Variants in MYZAP observed in about 807,000 individuals in gnomAD.
MYZAP encodes the protein myocardial zonula adherens protein, also known as GRINL1A complex locus upstream.
Under a neutral mutation model 69.4 loss-of-function variants are expected in MYZAP, and 66 were observed. The ratio of observed to expected loss-of-function variants is 0.95; its 90% CI spans 0.78 to 1.17. MYZAP has a LOEUF of 1.17. MYZAP is among the 50% of genes most tolerant of loss of function. MYZAP has a pLI of 0.00. For synonymous variants in MYZAP, 256 were observed against 205.9 expected (o/e 1.24, Z -2.09); for missense variants, 611 against 556.2 (o/e 1.10, Z -0.99).
intron 2 of MYZAP, among the ~76,000 whole-genome samples, chr15:57,617,329 C>T (rs532381556): frequency 6.6e-6 from 1 of 152,262 alleles, no homozygotes; most frequent in South Asian, 2.1e-4. Flanking sequence ...CCCTTTCCTG[C>T]TTGTTAAGCC....
intron 6 of MYZAP, among the ~76,000 whole-genome samples, 183 bp downstream of exon 6, chr15:57,630,037 T>C (rs2036409101): frequency 1.3e-5 from 2 of 149,980 alleles, no homozygotes; most frequent in African/African-American, 2.5e-5. Context: ...GGTACAATCA[T>C]GGCTCACTGC....
At chr15:57,649,405 C>T (rs2037614944) in intron 10 of MYZAP, among the ~76,000 whole-genome samples, 1 of 152,218 alleles carries the variant, frequency 6.6e-6, no homozygotes, top group Non-Finnish European at 1.5e-5. Context: ...AATGGCATCT[C>T]ATTGTTTTCA....
At chr15:57,600,159 C>A (rs1280441330) in intron 1 of MYZAP, among the ~76,000 whole-genome samples, 1 of 152,164 alleles carries the variant, frequency 6.6e-6, no homozygotes, top group Non-Finnish European at 1.5e-5. Context: ...TCCCCATGGC[C>A]ATACATTTGG....
At chr15:57,681,041 A>G (rs537071918) in intron 12 of MYZAP, among the ~76,000 whole-genome samples, 4 of 152,260 alleles carry the variant, frequency 2.6e-5, no homozygotes, top group Middle Eastern at 6.8e-3. Flanking sequence ...AAAATAAAAT[A>G]CCCCACTTCT....
intron 11 of MYZAP, among the ~76,000 whole-genome samples, chr15:57,669,199 G>T (rs1252586044): frequency 6.6e-6 from 1 of 152,048 alleles, no homozygotes; most frequent in Non-Finnish European, 1.5e-5. Context: ...CTGTTGAAGA[G>T]ATTTTTTATT....
chr15:57,631,979 G>T (rs1196615359), intron 6 of MYZAP, among the ~76,000 whole-genome samples: 1 of 152,174 alleles, frequency 6.6e-6, no homozygotes, highest in East Asian at 1.9e-4. Flanking sequence ...AGCCAGGCCT[G>T]CTTCAGTACT....
At chr15:57,641,583 G>T (rs987962328) in intron 10 of MYZAP, among the ~76,000 whole-genome samples, 5 of 152,086 alleles carry the variant, frequency 3.3e-5, no homozygotes, top group African/African-American at 1.2e-4. Context: ...TAAAATTTAG[G>T]ATGCCATCAG....
intron 8 of MYZAP, among the ~76,000 whole-genome samples, chr15:57,635,865 G>A (rs1440259130): frequency 6.6e-6 from 1 of 152,176 alleles, no homozygotes; most frequent in African/African-American, 2.4e-5. Context: ...TTAGTTTACT[G>A]TTTCTCTTGC....
rs1409789929 is a variant in MYZAP, at chr15:57,684,655, A to C, written c.*157A>C. 2 of 605,250 alleles carry C rather than the reference A, an allele frequency of 3.3e-6. No homozygotes were observed. Among genetic ancestry groups the C allele is most frequent in the African/African-American group, 3.7e-5 (2 of 54,270 alleles). 37.5% of individuals were successfully genotyped at this position (605,250 alleles called of 1,614,324 possible). A position where few individuals can be genotyped will look rare whatever the true frequency, so the allele number is the denominator to read the frequency against. On this transcript the variant is annotated 3_prime_UTR_variant, in exon 13 of 13. Transcript: ENST00000267853. ...GATCCACTTCTAAGACAGGAAGGAA[A>C]GTGAAGGCAGAGTGAGCAGGTAAGA...
At chr15:57,632,916 A>G (rs1271016213) in intron 7 of MYZAP, among the ~76,000 whole-genome samples, 1 of 151,734 alleles carries the variant, frequency 6.6e-6, no homozygotes, top group Non-Finnish European at 1.5e-5. Context: ...CCTATCTTTG[A>G]TCTTGCCTAA....
chr15:57,606,980 G>A (rs1350461583), intron 2 of MYZAP, among the ~76,000 whole-genome samples: 1 of 152,202 alleles, frequency 6.6e-6, no homozygotes, highest in African/African-American at 2.4e-5. Context: ...GAGCAGGATT[G>A]AGTGGGGCCA....
intron 9 of MYZAP, among the ~76,000 whole-genome samples, chr15:57,638,061 C>T (rs1374504141): frequency 6.6e-6 from 1 of 152,202 alleles, no homozygotes; most frequent in Non-Finnish European, 1.5e-5. Context: ...TTGAACTCCA[C>T]AGGATACACC....
chr15:57,643,741 G>GTT (rs76647740), intron 10 of MYZAP, among the ~76,000 whole-genome samples: 51 of 136,312 alleles, frequency 3.7e-4, no homozygotes, highest in African/African-American at 1.3e-3. Flanking sequence ...TTTTTTTTTT[G>GTT]TTTTTTTTTT....
At chr15:57,668,892 A>ATTTTTTTTTTTTTT (rs1424393924) in intron 11 of MYZAP, among the ~76,000 whole-genome samples, 1 of 58,746 alleles carries the variant, frequency 1.7e-5, no homozygotes, top group African/African-American at 5.0e-5. Flanking sequence ...ATATATATAT[A>ATTTTTTTTTTTTTT]TATTTTTTTT....
At chr15:57,684,140 C>G (rs1182784297) in intron 12 of MYZAP, among the ~76,000 whole-genome samples, 1 of 152,088 alleles carries the variant, frequency 6.6e-6, no homozygotes, top group Non-Finnish European at 1.5e-5. Context: ...GAGGGCTCCA[C>G]CCTCATGACC....
At chr15:57,593,188 G>GCATGCGCGCGCGCGCGCACACACA in intron 1 of MYZAP, among the ~76,000 whole-genome samples, 7 of 114,196 alleles carry the variant, frequency 6.1e-5, no homozygotes, top group Non-Finnish European at 7.4e-5. Context: ...GTACACAGGC[G>GCATGCGCGCGCGCGCGCACACACA]CACACACACA....
Position 57,610,931 on chromosome 15 carries a change from G to A in MYZAP, c.162+6576G>A, listed in dbSNP as rs193217637. ...AGGCCACTTTGGGGGTGAATATTTC[G>A]CTGTCAGAGCCACTTTGACAACTGT... On this transcript the variant is annotated intron_variant, in intron 2 of 12. Transcript: ENST00000267853. 1.7e-4 allele frequency among the ~76,000 whole-genome samples: 26 copies of A among 152,208 alleles called. No homozygotes were observed. The East Asian group carries it at 1.7e-3, about 10-fold the overall frequency.
At chr15:57,677,810 C>T (rs1417579672) in intron 12 of MYZAP, among the ~76,000 whole-genome samples, 1 of 152,182 alleles carries the variant, frequency 6.6e-6, no homozygotes, top group Non-Finnish European at 1.5e-5. Flanking sequence ...GTTACTTCAT[C>T]TCTCTAAAGC....
intron 8 of MYZAP, among the ~76,000 whole-genome samples, chr15:57,635,390 G>A (rs1024851704): frequency 9.9e-5 from 15 of 152,130 alleles, no homozygotes; most frequent in African/African-American, 3.4e-4. Flanking sequence ...TCTTTAGCAC[G>A]ACCCATTTTA....
Sources: allele counts gnomAD v4.1 joint callset (sites outside exome capture counted in the v4.1 genomes callset), GRCh38; gene constraint gnomAD v4.1.1; transcripts MANE v1.5; gene names NCBI Gene and HGNC (gene_info 2026-07-23, HGNC 2026-07-21).